Variants in TENM3 observed in about 807,000 individuals in gnomAD.
TENM3 encodes teneurin transmembrane protein 3, also known as teneurin-3.
TENM3 carries 63 observed loss-of-function variants against 255.1 expected under a neutral mutation model. The ratio of observed to expected loss-of-function variants is 0.25; its 90% CI spans 0.20 to 0.30. TENM3 has a LOEUF of 0.30. Ranked by LOEUF, TENM3 falls within the 10% of genes least tolerant of loss-of-function variation. The pLI, the probability that TENM3 is intolerant of heterozygous loss-of-function variation, is 1.00. For missense variants in TENM3, 2,929 were observed against 3,461.1 expected, an observed-to-expected ratio of 0.85 and a Z score of 3.86; for synonymous variants, 1,306 against 1,322.3, an observed-to-expected ratio of 0.99 and a Z score of 0.27.
chr4:181,680,574 A>G, the TENM3 span, among the ~76,000 whole-genome samples: 66,384 of 151,964 alleles, frequency 0.44, 16,991 homozygotes, highest in Admixed American at 0.56. Context: ...TGATATGTTT[A>G]CTATGATGTG....
upstream of TENM3, among the ~76,000 whole-genome samples, chr4:182,241,818 T>G (rs1757280704): frequency 6.6e-6 from 1 of 152,062 alleles, no homozygotes; most frequent in Non-Finnish European, 1.5e-5. Context: ...TCCTTTTCCC[T>G]TTCTTTTTCC....
intron 3 of TENM3, among the ~76,000 whole-genome samples, chr4:182,563,299 G>A (rs569732519): frequency 9.2e-5 from 14 of 152,234 alleles, no homozygotes; most frequent in East Asian, 3.9e-4. Context: ...GTATGATGGT[G>A]TATGCCTGTA....
At chr4:181,539,356 G>GCCAATATT in the TENM3 span, among the ~76,000 whole-genome samples, 5 of 152,064 alleles carry the variant, frequency 3.3e-5, no homozygotes, top group African/African-American at 1.2e-4. Flanking sequence ...ATGAAACATT[G>GCCAATATT]CCAATATTAT....
At chr4:182,452,232 G>A (rs1056695010) in intron 3 of TENM3, among the ~76,000 whole-genome samples, 2 of 149,468 alleles carry the variant, frequency 1.3e-5, no homozygotes, top group African/African-American at 4.9e-5. Flanking sequence ...AATGTTGTGG[G>A]AAAATGGTAC....
the TENM3 span, among the ~76,000 whole-genome samples, chr4:181,705,938 G>A: frequency 1.3e-5 from 2 of 152,146 alleles, no homozygotes; most frequent in Non-Finnish European, 2.9e-5. Flanking sequence ...TGGGCAACAA[G>A]AGCAAAACTC....
chr4:182,683,541 G>A (rs895894916), intron 11 of TENM3, among the ~76,000 whole-genome samples: 2 of 152,152 alleles, frequency 1.3e-5, no homozygotes, highest in African/African-American at 4.8e-5. Flanking sequence ...TTAAATAAAA[G>A]ATTAGCAAAG....
the TENM3 span, among the ~76,000 whole-genome samples, chr4:181,995,714 C>T: frequency 2.0e-5 from 3 of 152,012 alleles, no homozygotes; most frequent in Non-Finnish European, 2.9e-5. Context: ...TTAGCTTCTG[C>T]GTTCAGTATT....
chr4:181,838,796 G>A, the TENM3 span, among the ~76,000 whole-genome samples: 6 of 151,706 alleles, frequency 4.0e-5, no homozygotes, highest in African/African-American at 1.5e-4. Context: ...ATTGCTAGGA[G>A]TTTGGCAATT....
intron 1 of TENM3, among the ~76,000 whole-genome samples, chr4:182,211,972 C>G (rs768096862): frequency 6.6e-6 from 1 of 152,064 alleles, no homozygotes; most frequent in Admixed American, 6.5e-5. Flanking sequence ...GAGCCTGGCA[C>G]GTGTGACATA....
the TENM3 span, among the ~76,000 whole-genome samples, chr4:181,943,641 G>A: frequency 0.013 from 2,010 of 152,220 alleles, 29 homozygotes; most frequent in Non-Finnish European, 0.018. Context: ...AATTGCTTGT[G>A]ACACCTCTTT....
chr4:181,916,036 C>G, the TENM3 span, among the ~76,000 whole-genome samples: 5 of 152,126 alleles, frequency 3.3e-5, no homozygotes, highest in Non-Finnish European at 7.3e-5. Flanking sequence ...GTATCAGGCC[C>G]CTTCAAGTCA....
chr4:181,613,874 G>A, the TENM3 span, among the ~76,000 whole-genome samples: 4 of 152,118 alleles, frequency 2.6e-5, no homozygotes, highest in South Asian at 2.1e-4. Context: ...AGCCACACAC[G>A]TGACCTGTGA....
the TENM3 span, among the ~76,000 whole-genome samples, chr4:181,507,703 A>C: frequency 6.6e-6 from 1 of 152,364 alleles, no homozygotes; most frequent in African/African-American, 2.4e-5. Context: ...TGGGTTCTTG[A>C]ATAGCGGTGA....
chr4:182,066,599 A>ATATATATATATAT, the TENM3 span, among the ~76,000 whole-genome samples: 5 of 137,112 alleles, frequency 3.6e-5, no homozygotes, highest in South Asian at 2.2e-4. Context: ...GTAAAAAAAA[A>ATATATATATATAT]ATATATATAT....
chr4:181,924,006 C>T, the TENM3 span, among the ~76,000 whole-genome samples: 1 of 152,118 alleles, frequency 6.6e-6, no homozygotes, highest in African/African-American at 2.4e-5. Flanking sequence ...GTCTCTTGGG[C>T]TCTTACATGT....
chr4:182,156,400 A>G (rs1010912444), intron 1 of TENM3, among the ~76,000 whole-genome samples: 1 of 152,160 alleles, frequency 6.6e-6, no homozygotes, highest in Middle Eastern at 3.4e-3. Flanking sequence ...CAGGCAGATT[A>G]GTTACATGGG....
At chr4:182,010,552 A>G in the TENM3 span, among the ~76,000 whole-genome samples, 5 of 152,092 alleles carry the variant, frequency 3.3e-5, no homozygotes, top group African/African-American at 7.2e-5. Flanking sequence ...TGATTTTTCA[A>G]AGAAAAAATG....
At chr4:182,284,650 G>C (rs1006654727) in intron 1 of TENM3, among the ~76,000 whole-genome samples, 1 of 152,142 alleles carries the variant, frequency 6.6e-6, no homozygotes, top group Non-Finnish European at 1.5e-5. Flanking sequence ...CAGACACTAG[G>C]TGTATCATGC....
At chr4:182,117,859 A>T in the TENM3 span, among the ~76,000 whole-genome samples, 1 of 152,186 alleles carries the variant, frequency 6.6e-6, no homozygotes, top group South Asian at 2.1e-4. Context: ...AGTTGAATTG[A>T]ATCTGTAGAT....
Sources: gnomAD v4.1 joint callset for allele counts (sites outside exome capture counted in the v4.1 genomes callset) on GRCh38, gnomAD v4.1.1 for gene constraint, MANE v1.5 for transcripts, NCBI Gene and HGNC (gene_info 2026-07-23, HGNC 2026-07-21) for gene names.